Variants in SLC25A41 observed in about 807,000 individuals in gnomAD.
SLC25A41 encodes the protein solute carrier family 25 member 41.
A neutral mutation model predicts 34.7 loss-of-function variants in SLC25A41; 35 were observed. The ratio of observed to expected loss-of-function variants is 1.01; its 90% CI spans 0.77 to 1.34. SLC25A41 has a LOEUF of 1.34. SLC25A41 is among the 40% of genes most tolerant of loss of function. The pLI, the probability that SLC25A41 is intolerant of heterozygous loss-of-function variation, is 0.00. For synonymous variants in SLC25A41, 190 were observed against 209.9 expected (o/e 0.91, Z 0.82); for missense variants, 492 against 489.8 (o/e 1.00, Z -0.04).
Position 6,429,739 on chromosome 19 carries a change from G to C in SLC25A41, c.609C>G (p.Leu203=). The C allele has an allele frequency of 6.3e-7, 1 of 1,597,248 alleles. No homozygotes were observed. Among genetic ancestry groups the C allele is most frequent in the Non-Finnish European group, 8.5e-7 (1 of 1,173,472 alleles). Residue 203 remains leucine, a synonymous_variant, in exon 4 of 7, where the codon CTC becomes CTG. Coordinates refer to ENST00000321510, the MANE Select transcript of SLC25A41 (RefSeq NM_173637.4). ...GCTCTCTTACCTCCATGGGGTTGAT[G>C]AGGGTCTGGGAGATGGCCACAGCCA... is the stretch of plus-strand genomic sequence containing the variant. ...GSLAVAISQT[L]INPMEVLKTR...
At chr19:6,434,909 AAACAAAC>A (rs1317243110), upstream of SLC25A41, among the ~76,000 whole-genome samples, 1 of 92,278 alleles carries the variant, frequency 1.1e-5, no homozygotes, top group East Asian at 3.6e-4. Flanking sequence ...ACTCCATCTC[AAACAAAC>A]AACAACAACA....
chr19:6,432,590 TTTTG>T (rs1288312376), intron 1 of SLC25A41, among the ~76,000 whole-genome samples: 1 of 145,944 alleles, frequency 6.9e-6, no homozygotes, highest in Non-Finnish European at 1.5e-5. Flanking sequence ...TTTTTTTTTG[TTTTG>T]TTTTTGTTTT....
chr19:6,432,262 A>T, intron 1 of SLC25A41, 58 bp from the exon 2 acceptor site: 1 of 1,572,290 alleles, frequency 6.4e-7, no homozygotes, highest in East Asian at 2.3e-5. Context: ...CCTTCCCCAG[A>T]CACACATCTA....
chr19:6,430,453 T>TTCCCTCCC lies in SLC25A41; in HGVS notation c.364-300_364-293dup, dbSNP rs796541701. ...CCTTTCCTTTCTTTCTCCCTTTTTG[T>TTCCCTCCC]TCCCTCCCTCCCTCCCTTCCTCCGT... On this transcript the variant is annotated intron_variant, in intron 2 of 6. Coordinates refer to ENST00000321510, the MANE Select transcript of SLC25A41 (RefSeq NM_173637.4). 128 of 468,604 alleles carry TTCCCTCCC rather than the reference T, an allele frequency of 2.7e-4. 2 individuals carry two copies. The highest frequency in any genetic ancestry group is 2.3e-3 in the South Asian group (107 of 46,518). The allele number at this position is 468,604 out of a possible 1,614,324, so 29.0% of individuals were successfully genotyped here.
chr19:6,432,312 G>A, intron 1 of SLC25A41, 108 bp from the exon 2 acceptor site: 17 of 1,255,522 alleles, frequency 1.4e-5, no homozygotes, highest in Non-Finnish European at 1.6e-5. Flanking sequence ...GTTCCCCCAA[G>A]TCTGCATTTT....
At chr19:6,430,382 C>G in intron 2 of SLC25A41, 1 of 576,732 alleles carries the variant, frequency 1.7e-6, no homozygotes, top group Non-Finnish European at 3.1e-6. Context: ...CTCACCCCTC[C>G]TCTTCATCTC....
In SLC25A41 at chr19:6,427,215, A is replaced by G. The variant is rs769198651; in HGVS notation, c.828T>C (p.Asp276=). 1 of 1,612,732 alleles carries G rather than the reference A, an allele frequency of 6.2e-7. No homozygotes were observed. Among genetic ancestry groups the G allele is most frequent in the Non-Finnish European group, 8.5e-7 (1 of 1,179,810 alleles). Reference sequence around the variant, plus strand: ...TGACCAGGCCACTGGGGTCCCCCATATCCCTGCCTGACTTCACCCAGAAGC... The same window carrying G: ...TGACCAGGCCACTGGGGTCCCCCATGTCCCTGCCTGACTTCACCCAGAAGC... The part of the protein sequence containing the change: ...LQCFWVKSGR[D]MGDPSGLVSL... The change falls in exon 6 of 7, where the codon GAT becomes GAC. Residue 276 remains aspartate, a synonymous_variant. Transcript: ENST00000321510. This position sits in a 1 kb window ranked among gnomAD's most constrained non-coding sequence, Gnocchi z 4.9.
chr19:6,433,757 C>A lies in SLC25A41; in HGVS notation c.-64G>T, dbSNP rs115306305. On this transcript the variant is annotated 5_prime_UTR_variant, in exon 1 of 7. Transcript: ENST00000321510. ...GTTGTTTGCTGCTCCAGCTACCATG[C>A]GGGAGTGTCTAGTGGGAGGATTGTG... is the stretch of plus-strand genomic sequence containing the variant. 6.0e-6 allele frequency: 8 copies of A among 1,343,620 alleles called. No individual in the cohort carries two copies. The African/African-American group carries it at 1.2e-4, about 20-fold the overall frequency. 83.2% of individuals were successfully genotyped at this position (1,343,620 alleles called of 1,614,324 possible).
At chr19:6,433,395 A>G in intron 1 of SLC25A41, 92 bp downstream of exon 1, 2 of 1,278,838 alleles carry the variant, frequency 1.6e-6, no homozygotes, top group Admixed American at 1.7e-5. Context: ...GTCCGCTAGC[A>G]GGGGAGTGGG....
intron 1 of SLC25A41, among the ~76,000 whole-genome samples, chr19:6,432,809 T>G (rs2092291960): frequency 6.6e-6 from 1 of 151,168 alleles, no homozygotes; most frequent in South Asian, 2.1e-4. Context: ...TAGCTGGGAT[T>G]ACAGTGCCAA....
intron 1 of SLC25A41, among the ~76,000 whole-genome samples, chr19:6,432,600 G>GT (rs1046581514): frequency 0.016 from 1,869 of 119,508 alleles, 47 homozygotes; most frequent in African/African-American, 0.054. Context: ...TTTTGTTTTT[G>GT]TTTTTTTTTA....
intron 4 of SLC25A41, among the ~76,000 whole-genome samples, chr19:6,428,748 A>G (rs12461883): frequency 0.42 from 60,405 of 143,318 alleles, 13,367 homozygotes; most frequent in Admixed American, 0.55. Flanking sequence ...GTCTCCCTCT[A>G]TCACCCAGGC....
In SLC25A41 at chr19:6,426,272, T is replaced by A; in HGVS notation, c.*117A>T. On this transcript the variant is annotated 3_prime_UTR_variant, in exon 7 of 7. Transcript: ENST00000321510. Reference sequence around the variant, plus strand: ...CCCACCCCCACCCCCAGCCTGCTTTTGCCACCAAAAACTGCCCCAGGGCCT... The same window carrying A: ...CCCACCCCCACCCCCAGCCTGCTTTAGCCACCAAAAACTGCCCCAGGGCCT... 1 of 590,170 alleles carries A rather than the reference T, an allele frequency of 1.7e-6. No homozygotes were observed. Among genetic ancestry groups the A allele is most frequent in the Non-Finnish European group, 2.4e-6 (1 of 416,288 alleles). 36.6% of individuals were successfully genotyped at this position (590,170 alleles called of 1,614,324 possible).
chr19:6,429,061 T>TAC lies in SLC25A41; in HGVS notation c.624+662_624+663insGT, dbSNP rs1491220228. ...TATAATATATATATTATATATATGT[T>TAC]ATATATATATATAATATATATATTA... On this transcript the variant is annotated intron_variant, in intron 4 of 6. Coordinates refer to ENST00000321510, the MANE Select transcript of SLC25A41 (RefSeq NM_173637.4). 3.1e-3 allele frequency among the ~76,000 whole-genome samples: 26 copies of TAC among 8,492 alleles called. 7 individuals carry two copies. Among genetic ancestry groups the TAC allele is most frequent in the Non-Finnish European group, 5.8e-3 (26 of 4,470 alleles). 5.6% of individuals were successfully genotyped at this position (8,492 alleles called of 152,430 possible). A position where few individuals can be genotyped will look rare whatever the true frequency, so the allele number is the denominator to read the frequency against.
At chr19:6,434,556 C>A (rs1162894252), upstream of SLC25A41, among the ~76,000 whole-genome samples, 1 of 152,182 alleles carries the variant, frequency 6.6e-6, no homozygotes, top group African/African-American at 2.4e-5. Flanking sequence ...TTCCTTATAG[C>A]AGCCTGGGCT....
At position 6,426,201 on chromosome 19, in the gene SLC25A41, T is replaced by A; in HGVS notation, c.*188A>T. ...GTTTTCTGACCCAGCACTGCCCCCC[T>A]CCACCCACCACCAACCCCAGCTTCA... On this transcript the variant is annotated 3_prime_UTR_variant, in exon 7 of 7. Transcript: ENST00000321510. 1.7e-6 allele frequency: 1 copy of A among 598,290 alleles called. No homozygotes were observed. The allele number at this position is 598,290 out of a possible 1,614,324, so 37.1% of individuals were successfully genotyped here.
At chr19:6,433,315 C>G (rs2092294037) in intron 1 of SLC25A41, among the ~76,000 whole-genome samples, 172 bp downstream of exon 1, 1 of 152,148 alleles carries the variant, frequency 6.6e-6, no homozygotes, top group East Asian at 1.9e-4. Context: ...TCCCAAAGTG[C>G]TGGGATTACA....
chr19:6,428,619 A>G (rs1006894807), intron 4 of SLC25A41, among the ~76,000 whole-genome samples: 7 of 147,560 alleles, frequency 4.7e-5, no homozygotes, highest in Non-Finnish European at 7.4e-5. Flanking sequence ...TAAATTATTT[A>G]GTTATATATA....
At chr19:6,430,998 T>C (rs2092283346) in intron 2 of SLC25A41, among the ~76,000 whole-genome samples, 1 of 151,758 alleles carries the variant, frequency 6.6e-6, no homozygotes, top group Non-Finnish European at 1.5e-5. Flanking sequence ...AAATTTTTTG[T>C]ATAGATGGGG....
Sources: gnomAD v4.1 joint callset for allele counts (sites outside exome capture counted in the v4.1 genomes callset) on GRCh38, gnomAD v4.1.1 for gene constraint, Gnocchi (gnomAD v3.1) non-coding constraint, MANE v1.5 for transcripts, NCBI Gene and HGNC (gene_info 2026-07-23, HGNC 2026-07-21) for gene names.